PARG: variants seen among roughly 807,000 people sequenced by gnomAD.
The protein encoded by PARG is mitochondrial poly(ADP-ribose) glycohydrolase.
A neutral mutation model predicts 113.0 loss-of-function variants in PARG; 35 were observed. The observed-to-expected ratio is 0.31, with a 90% CI of 0.24 to 0.41. The LOEUF (loss-of-function observed/expected upper bound fraction) is 0.41. PARG is among the 10% of genes least tolerant of loss of function. The probability of loss-of-function intolerance (pLI) is 1.00; values close to 1 mark genes in which losing one functional copy is unlikely to be tolerated. For synonymous variants in PARG, 330 were observed against 409.9 expected, an observed-to-expected ratio of 0.81 and a Z score of 2.36; for missense variants, 797 against 1,169.4, an observed-to-expected ratio of 0.68 and a Z score of 4.64.
intron 16 of PARG, among the ~76,000 whole-genome samples, chr10:49,828,112 A>AAAAC (rs1554829715): frequency 6.7e-6 from 1 of 148,420 alleles, no homozygotes; most frequent in Non-Finnish European, 1.5e-5. Flanking sequence ...AAAAAAAAAA[A>AAAAC]AAAAAAAAAA....
chr10:49,910,918 A>G (rs1459785460), intron 7 of PARG, among the ~76,000 whole-genome samples: 4 of 152,166 alleles, frequency 2.6e-5, no homozygotes, highest in African/African-American at 7.2e-5. Flanking sequence ...TTCAGTTACT[A>G]CAGCTTTAAT....
At chr10:49,889,134 C>T (rs1847645080) in intron 7 of PARG, among the ~76,000 whole-genome samples, 1 of 146,596 alleles carries the variant, frequency 6.8e-6, no homozygotes, top group African/African-American at 2.5e-5. Flanking sequence ...GCTCAGCCTT[C>T]TTGTGATGGC....
At chr10:49,869,283 T>G (rs1237485429) in intron 10 of PARG, among the ~76,000 whole-genome samples, 193 bp downstream of exon 10, 2 of 152,222 alleles carry the variant, frequency 1.3e-5, no homozygotes, top group Admixed American at 1.3e-4. Context: ...CCCGCCCCCC[T>G]ACATTTAGCA....
At chr10:49,827,195 C>A (rs1181561481) in intron 16 of PARG, among the ~76,000 whole-genome samples, 1 of 152,196 alleles carries the variant, frequency 6.6e-6, no homozygotes, top group African/African-American at 2.4e-5. Context: ...CAGGTACAGA[C>A]AGACAGTTAC....
chr10:49,893,360 T>C (rs1847907032), intron 7 of PARG, among the ~76,000 whole-genome samples: 1 of 152,246 alleles, frequency 6.6e-6, no homozygotes, highest in Admixed American at 6.5e-5. Flanking sequence ...GCAATTTGTA[T>C]ACCTTCCTTT....
intron 14 of PARG, 135 bp from the exon 15 acceptor site, chr10:49,842,193 AAAAGG>A: frequency 7.9e-6 from 5 of 635,730 alleles, no homozygotes; most frequent in East Asian, 2.7e-5. Context: ...AGGTCTGAGC[AAAAGG>A]AAAGGAAAGG....
At chr10:49,869,331 G>C (rs1846678182) in intron 10 of PARG, 145 bp downstream of exon 10, 1 of 670,862 alleles carries the variant, frequency 1.5e-6, no homozygotes, top group Admixed American at 2.2e-5. Context: ...CATAAAACTA[G>C]GTTATATTGT....
Position 49,932,101 on chromosome 10 carries a change from C to A in PARG, c.1454G>T (p.Arg485Leu). 1.3e-6 allele frequency: 2 copies of A among 1,570,130 alleles called. No homozygotes were observed. The highest frequency in any genetic ancestry group is 1.8e-6 in the Non-Finnish European group (2 of 1,140,172). Residue 485 changes from arginine (R) to leucine (L), a missense_variant and splice_region_variant, in exon 4 of 18, where the codon CGG (arginine) becomes CTG (leucine). Around this residue, in one of 5 missense-constraint regions of PARG, gnomAD observed 252 missense variants for 437.4 expected, o/e 0.58. Coordinates refer to ENST00000616448, the MANE Select transcript of PARG (RefSeq NM_003631.5). ...RPSANHTVTI[R>L]VDLLRAGEVP... is the part of the protein sequence containing the mutation. ...TCATAGATAAGAGGTGCTACCTACC[C>A]GAATAGTTACTGTGTGATTGGCAGA...
At chr10:49,920,114 C>A (rs180996491) in intron 6 of PARG, among the ~76,000 whole-genome samples, 361 of 151,872 alleles carry the variant, frequency 2.4e-3, no homozygotes, top group East Asian at 0.018. Flanking sequence ...AAAAAAATCA[C>A]ACTGATATAG....
rs1286791528 is a variant in PARG, at chr10:49,855,131, T to A, written c.2353+2175A>T. Among the ~76,000 whole-genome samples, 20 of 148,184 alleles carry A rather than the reference T, an allele frequency of 1.3e-4. No individual in the cohort carries two copies. The East Asian group carries it at 3.4e-3, about 25-fold the overall frequency. ...AAAACTAAAGTATAAGAATGATGCC[T>A]CTCAAATAGAGAATATTAATAAATA... On this transcript the variant is annotated intron_variant, in intron 13 of 17. Coordinates refer to ENST00000616448, the MANE Select transcript of PARG (RefSeq NM_003631.5).
intron 2 of PARG, among the ~76,000 whole-genome samples, 199 bp from the exon 3 acceptor site, chr10:49,934,362 C>A (rs1350062627): frequency 6.6e-6 from 1 of 152,060 alleles, no homozygotes; most frequent in African/African-American, 2.4e-5. Flanking sequence ...ACCCGCCTTT[C>A]CTTCAAGTCA....
At chr10:49,841,815 G>T in intron 15 of PARG, 135 bp downstream of exon 15, 1 of 629,834 alleles carries the variant, frequency 1.6e-6, no homozygotes, top group Non-Finnish European at 2.8e-6. Context: ...AGCTGACAGA[G>T]CCATTAAATC....
rs549701156 is a variant in PARG at position 49,925,511 on chromosome 10, T to C, written c.1456-2842A>G. Among the ~76,000 whole-genome samples, 4 of 152,348 alleles carry C rather than the reference T, an allele frequency of 2.6e-5. No individual in the cohort carries two copies. The South Asian group carries it at 6.2e-4, about 24-fold the overall frequency. The stretch of plus-strand genomic sequence containing the variant: ...TGACGTCTTATACCTCTCTAATACA[T>C]ATAAAACCAACCTATAGCCTGACCA... On this transcript the variant is annotated intron_variant, in intron 4 of 17. Transcript: ENST00000616448.
chr10:49,905,614 C>T (rs191372393), intron 7 of PARG, among the ~76,000 whole-genome samples: 1 of 152,348 alleles, frequency 6.6e-6, no homozygotes. Flanking sequence ...CTCCTCAGAG[C>T]TATTCCCAGA....
At chr10:49,915,456 A>G (rs1223690732) in intron 7 of PARG, among the ~76,000 whole-genome samples, 2 of 152,158 alleles carry the variant, frequency 1.3e-5, no homozygotes, top group African/African-American at 4.8e-5. Context: ...TTTTATGACA[A>G]AAGTTTTTAA....
chr10:49,845,494 G>T (rs574328045), intron 13 of PARG, among the ~76,000 whole-genome samples: 1 of 152,300 alleles, frequency 6.6e-6, no homozygotes, highest in South Asian at 2.1e-4. Context: ...TGGGTGAAGT[G>T]GCAGTGCACA....
intron 7 of PARG, among the ~76,000 whole-genome samples, chr10:49,897,922 G>A (rs1554843141): frequency 6.6e-6 from 1 of 152,150 alleles, no homozygotes. Flanking sequence ...AGCTCGGGAG[G>A]TGGAGGTTGC....
chr10:49,934,076 T>C lies in PARG; in HGVS notation c.372A>G (p.Glu124=). 2 of 1,522,176 alleles carry C rather than the reference T, an allele frequency of 1.3e-6. No homozygotes were observed. The highest frequency in any genetic ancestry group is 2.2e-5 in the South Asian group (2 of 89,326). 94.3% of individuals were successfully genotyped at this position (1,522,176 alleles called of 1,614,324 possible). The change falls in exon 3 of 18, where the codon GAA becomes GAG. Residue 124 remains glutamate, a synonymous_variant. Coordinates refer to ENST00000616448, the MANE Select transcript of PARG (RefSeq NM_003631.5). The stretch of plus-strand genomic sequence containing the variant: ...TTAGCTGAGAAACATTTTCTAATTT[T>C]TCTACATTATGTTGGTAAAAGTTAT... The part of the protein sequence containing the change: ...QKDNFYQHNV[E]KLENVSQLSL...
rs1312088848 is a variant in PARG, at chr10:49,818,552, A to C, written c.*788T>G. On this transcript the variant is annotated 3_prime_UTR_variant, in exon 18 of 18. Coordinates refer to ENST00000616448, the MANE Select transcript of PARG (RefSeq NM_003631.5). ...AAGAAACATTAGTCCTAATTTAAAA[A>C]GAAAAAAGTACCAAGAAACAAAAAA... is the stretch of plus-strand genomic sequence containing the variant. The C allele has an allele frequency of 6.6e-6, 1 of 152,616 alleles. No individual in the cohort carries two copies. The highest frequency in any genetic ancestry group is 1.5e-5 in the Non-Finnish European group (1 of 68,032). The allele number at this position is 152,616 out of a possible 1,614,324, so 9.5% of individuals were successfully genotyped here.
Sources: gnomAD v4.1 joint callset for allele counts (sites outside exome capture counted in the v4.1 genomes callset) on GRCh38, gnomAD v4.1.1 for gene constraint, gnomAD v4.1.1 regional missense constraint, MANE v1.5 for transcripts, NCBI Gene and HGNC (gene_info 2026-07-23, HGNC 2026-07-21) for gene names.